TMEM247: variants seen among roughly 807,000 people sequenced by gnomAD.
TMEM247 encodes the protein transmembrane protein 247, also known as transmembrane protein ENSP00000343375.
In TMEM247, 23 loss-of-function variants were observed where a neutral mutation model predicts 20.7. That is an observed-to-expected ratio of 1.11 (90% confidence interval 0.80 to 1.57). TMEM247 has a LOEUF of 1.57. Among genes scored for constraint, TMEM247 ranks in the 40% most tolerant of loss-of-function variants. The pLI is 0.00. For synonymous variants in TMEM247, 106 were observed against 111.9 expected (o/e 0.95, Z 0.33); for missense variants, 354 against 283.8 (o/e 1.25, Z -1.78).
At chr2:46,479,730 C>G in intron 1 of TMEM247, 28 bp downstream of exon 1, 1 of 1,464,002 alleles carries the variant, frequency 6.8e-7, no homozygotes, top group Non-Finnish European at 9.4e-7. Flanking sequence ...TCTCACCACC[C>G]CCGCCTATTC....
chr2:46,480,903 A>C, intron 2 of TMEM247, 139 bp downstream of exon 2: 2 of 1,235,804 alleles, frequency 1.6e-6, no homozygotes, highest in East Asian at 5.1e-5. Context: ...AAAGGGGCTG[A>C]GCATCCACTC....
intron 2 of TMEM247, among the ~76,000 whole-genome samples, chr2:46,481,981 G>T (rs774755929): frequency 6.6e-6 from 1 of 152,096 alleles, no homozygotes; most frequent in Non-Finnish European, 1.5e-5. Flanking sequence ...TCCAAAAAAC[G>T]GAGACGCACT....
At chr2:46,480,618 A>G (rs895476191) in exon 2 of TMEM247, 1 of 1,550,896 alleles carries the variant, frequency 6.4e-7, no homozygotes, top group African/African-American at 1.4e-5. Context: ...GAAGGTGCGC[A>G]TGGAGTTCGA....
intron 2 of TMEM247, among the ~76,000 whole-genome samples, chr2:46,481,808 T>C (rs998679764): frequency 6.6e-6 from 1 of 152,244 alleles, no homozygotes; most frequent in Non-Finnish European, 1.5e-5. Context: ...CATCCTCAGT[T>C]CTGAGAACCA....
At chr2:46,484,223 A>T in intron 2 of TMEM247, 21 bp from the exon 3 acceptor site, 1 of 1,541,236 alleles carries the variant, frequency 6.5e-7, no homozygotes, top group Non-Finnish European at 8.8e-7. Flanking sequence ...CATCATCTCC[A>T]CTGTCTTCTC....
exon 2 of TMEM247, chr2:46,480,558 G>A: frequency 6.4e-7 from 1 of 1,551,730 alleles, no homozygotes; most frequent in Non-Finnish European, 8.7e-7. Context: ...CAAACCCGCA[G>A]AGCTGCCCCC....
At chr2:46,484,147 G>A in intron 2 of TMEM247, 97 bp from the exon 3 acceptor site, 5 of 1,072,940 alleles carry the variant, frequency 4.7e-6, no homozygotes, top group Non-Finnish European at 6.6e-6. Flanking sequence ...ATGATGACTT[G>A]AGGTCACATA....
rs1449254609 is a variant in TMEM247, at chr2:46,480,391, T to C, written c.118-14T>C. On this transcript the variant is annotated splice_polypyrimidine_tract_variant and intron_variant, in intron 1 of 2. Transcript: ENST00000434431. ...TCTTCAAGGTACCTCCCCTCCCTGC[T>C]TCCCCTACGCCAGGAGGCAGAGTCC... 2.6e-6 allele frequency: 4 copies of C among 1,528,012 alleles called. No homozygotes were observed. The highest frequency in any genetic ancestry group is 2.5e-5 in the East Asian group (1 of 40,674). The allele number at this position is 1,528,012 out of a possible 1,614,324, so 94.7% of individuals were successfully genotyped here.
exon 1 of TMEM247, chr2:46,479,664 G>C (rs1686840083): frequency 6.4e-7 from 1 of 1,551,672 alleles, no homozygotes; most frequent in East Asian, 2.4e-5. Flanking sequence ...GATGGTGCCT[G>C]GTGACTCCAA....
At chr2:46,480,570 A>T in exon 2 of TMEM247, 4 of 1,551,474 alleles carry the variant, frequency 2.6e-6, no homozygotes, top group Non-Finnish European at 3.5e-6. Context: ...GCTGCCCCCG[A>T]CCCCTGGGAC....
At chr2:46,482,295 C>G (rs1686904138) in intron 2 of TMEM247, among the ~76,000 whole-genome samples, 1 of 152,210 alleles carries the variant, frequency 6.6e-6, no homozygotes, top group African/African-American at 2.4e-5. Context: ...ATTGCTTAGA[C>G]TTTAGCACAC....
At chr2:46,482,530 G>A (rs540737251) in intron 2 of TMEM247, among the ~76,000 whole-genome samples, 1 of 152,290 alleles carries the variant, frequency 6.6e-6, no homozygotes, top group South Asian at 2.1e-4. Flanking sequence ...TTGGTATATA[G>A]TCCTCTCTCT....
chr2:46,483,696 C>T (rs139926390), intron 2 of TMEM247, among the ~76,000 whole-genome samples: 1 of 152,246 alleles, frequency 6.6e-6, no homozygotes, highest in East Asian at 1.9e-4. Context: ...ATAAGAGCAG[C>T]TCAAAAAGTA....
intron 2 of TMEM247, among the ~76,000 whole-genome samples, chr2:46,482,698 G>T (rs1427871445): frequency 6.7e-6 from 1 of 148,670 alleles, no homozygotes; most frequent in Non-Finnish European, 1.5e-5. Flanking sequence ...CAAAGTCCAG[G>T]GGTCCAGAGC....
At chr2:46,480,910 A>G (rs763422663) in intron 2 of TMEM247, 146 bp downstream of exon 2, 66 of 1,190,980 alleles carry the variant, frequency 5.5e-5, no homozygotes, top group Non-Finnish European at 7.4e-5. Context: ...CTGAGCATCC[A>G]CTCGGGCGGT....
rs576606045 is a variant in TMEM247, at chr2:46,483,872, C to T, written c.478-372C>T. On this transcript the variant is annotated intron_variant, in intron 2 of 2. Transcript: ENST00000434431. ...GCATGAGCATAGCTCACCATAACCC[C>T]GAACTCTTGGGCTCAAGTGATCCTT... is the stretch of plus-strand genomic sequence containing the variant. 1.5e-4 allele frequency among the ~76,000 whole-genome samples: 23 copies of T among 152,232 alleles called. No homozygotes were observed. In the East Asian group the frequency reaches 1.9e-3, roughly 13 times the overall value.
chr2:46,481,261 CTA>C (rs1161292292), intron 2 of TMEM247, among the ~76,000 whole-genome samples: 2 of 152,188 alleles, frequency 1.3e-5, no homozygotes, highest in East Asian at 3.8e-4. Flanking sequence ...CCGATCAGGG[CTA>C]TGTTTATTCT....
At chr2:46,483,098 G>A (rs1464844144) in intron 2 of TMEM247, among the ~76,000 whole-genome samples, 2 of 152,096 alleles carry the variant, frequency 1.3e-5, no homozygotes, top group South Asian at 2.1e-4. Context: ...AGGGCATCTC[G>A]GTCCCTGCCA....
chr2:46,480,280 C>G lies in TMEM247; in HGVS notation c.118-125C>G, dbSNP rs1021555015. 4.4e-6 allele frequency: 5 copies of G among 1,133,412 alleles called. No homozygotes were observed. The African/African-American group carries it at 7.9e-5, about 18-fold the overall frequency. 70.2% of individuals were successfully genotyped at this position (1,133,412 alleles called of 1,614,324 possible). On this transcript the variant is annotated intron_variant, in intron 1 of 2. Coordinates refer to ENST00000434431, the Ensembl canonical transcript of TMEM247. The stretch of plus-strand genomic sequence containing the variant: ...AGAGCACTTCTAATAAGAATTCAGC[C>G]TAGATCTTTACAATTCAAACACCCC...
Sources: allele counts gnomAD v4.1 joint callset (sites outside exome capture counted in the v4.1 genomes callset), GRCh38; gene constraint gnomAD v4.1.1; transcripts MANE v1.5; gene names NCBI Gene and HGNC (gene_info 2026-07-23, HGNC 2026-07-21).